Variants in PGM2L1 observed in about 807,000 individuals in gnomAD.
The protein encoded by PGM2L1 is glucose 1,6-bisphosphate synthase.
In PGM2L1, 35 loss-of-function variants were observed where a neutral mutation model predicts 73.4. The observed-to-expected ratio is 0.48, with a 90% CI of 0.36 to 0.63. The LOEUF (loss-of-function observed/expected upper bound fraction) is 0.63. Among genes scored for constraint, PGM2L1 ranks in the 30% least tolerant of loss-of-function variants. The pLI, the probability that PGM2L1 is intolerant of heterozygous loss-of-function variation, is 0.00. For missense variants in PGM2L1, 570 were observed against 742.0 expected (o/e 0.77, Z 2.69); for synonymous variants, 225 against 253.8 (o/e 0.89, Z 1.08).
In PGM2L1 at chr11:74,355,161, G is replaced by A. The variant is rs563955342; in HGVS notation, c.556-3585C>T. On this transcript the variant is annotated intron_variant, in intron 5 of 13. Coordinates refer to ENST00000298198, the MANE Select transcript of PGM2L1 (RefSeq NM_173582.6). ...CAGCCATGGTGGTGGTGGATATGGT[G>A]GCAGTGGGGATGGCTATAACAGATT... is the stretch of plus-strand genomic sequence containing the variant. 60 of 1,393,526 alleles carry A rather than the reference G, an allele frequency of 4.3e-5. No individual in the cohort carries two copies. The South Asian group carries it at 6.9e-4, about 16-fold the overall frequency. The allele number at this position is 1,393,526 out of a possible 1,614,324, so 86.3% of individuals were successfully genotyped here. A position where few individuals can be genotyped will look rare whatever the true frequency, so the allele number is the denominator to read the frequency against.
chr11:74,364,391 A>AG (rs564710430), intron 5 of PGM2L1, among the ~76,000 whole-genome samples: 21 of 152,340 alleles, frequency 1.4e-4, no homozygotes, highest in African/African-American at 3.8e-4. Flanking sequence ...AAAGAAATAA[A>AG]GGGTATTCAG....
rs76233797 is a variant in PGM2L1, at chr11:74,340,071, A to G, written c.1633-1470T>C. 9.7e-3 allele frequency among the ~76,000 whole-genome samples: 1,472 copies of G among 152,278 alleles called. 26 individuals are homozygous for G. The highest frequency in any genetic ancestry group is 0.032 in the African/African-American group (1,311 of 41,538). On this transcript the variant is annotated intron_variant, in intron 12 of 13. Coordinates refer to ENST00000298198, the MANE Select transcript of PGM2L1 (RefSeq NM_173582.6). ...TTTGTCATTGCTATATTCCTAGTGT[A>G]CCTGTGCCTGCAGCACAGAAGGACT...
chr11:74,383,818 T>G (rs1862982265), intron 1 of PGM2L1, among the ~76,000 whole-genome samples: 1 of 96,012 alleles, frequency 1.0e-5, no homozygotes, highest in Admixed American at 1.1e-4. Flanking sequence ...TGGAGATATA[T>G]AAATAAATAT....
intron 12 of PGM2L1, among the ~76,000 whole-genome samples, chr11:74,340,442 A>G (rs1862166175): frequency 6.6e-6 from 1 of 152,232 alleles, no homozygotes; most frequent in Non-Finnish European, 1.5e-5. Context: ...CAGGATATCA[A>G]CACCAGGAAC....
chr11:74,397,944 T>A (rs1863204314), intron 1 of PGM2L1, 107 bp downstream of exon 1: 4 of 1,379,854 alleles, frequency 2.9e-6, no homozygotes, highest in Non-Finnish European at 3.8e-6. Flanking sequence ...CCCCGCTCGG[T>A]GTCCCGAGCC....
chr11:74,334,542 A>G lies in PGM2L1; in HGVS notation c.*2110T>C, dbSNP rs924682025. 15 of 152,242 alleles carry G rather than the reference A, an allele frequency of 9.9e-5. No individual in the cohort carries two copies. Among genetic ancestry groups the G allele is most frequent in the African/African-American group, 3.4e-4 (14 of 41,472 alleles). The allele number at this position is 152,242 out of a possible 1,614,324, so 9.4% of individuals were successfully genotyped here. On this transcript the variant is annotated 3_prime_UTR_variant, in exon 14 of 14. Coordinates refer to ENST00000298198, the MANE Select transcript of PGM2L1 (RefSeq NM_173582.6). The stretch of plus-strand genomic sequence containing the variant: ...GTGCTCTACATTTAGCTAGCTGTCT[A>G]TTATCTACAGTCATACAGTCATATA...
chr11:74,394,968 T>C (rs1329596437), intron 1 of PGM2L1, among the ~76,000 whole-genome samples: 1 of 152,162 alleles, frequency 6.6e-6, no homozygotes, highest in African/African-American at 2.4e-5. Flanking sequence ...AGACTACATA[T>C]GCCATCAATA....
intron 2 of PGM2L1, among the ~76,000 whole-genome samples, chr11:74,373,438 G>A (rs1275614012): frequency 1.3e-5 from 2 of 152,152 alleles, no homozygotes; most frequent in South Asian, 2.1e-4. Context: ...CTGTTTGGGA[G>A]TATCAATTAG....
At chr11:74,338,722 A>G in intron 12 of PGM2L1, 121 bp from the exon 13 acceptor site, 1 of 1,249,244 alleles carries the variant, frequency 8.0e-7, no homozygotes, top group Non-Finnish European at 1.1e-6. Flanking sequence ...AAATTTACAG[A>G]AATAGAAATT....
Position 74,336,349 on chromosome 11 carries a change from A to G in PGM2L1, c.*303T>C. 1 of 182,416 alleles carries G rather than the reference A, an allele frequency of 5.5e-6. No homozygotes were observed. Among genetic ancestry groups the G allele is most frequent in the Admixed American group, 6.0e-5 (1 of 16,782 alleles). 11.3% of individuals were successfully genotyped at this position (182,416 alleles called of 1,614,324 possible). On this transcript the variant is annotated 3_prime_UTR_variant, in exon 14 of 14. Transcript: ENST00000298198. ...TAGGCTTAATCACACTATAATAAGA[A>G]AACTCACTTTTGAATTGTGATGTTT...
At chr11:74,374,717 T>A in intron 1 of PGM2L1, 135 bp from the exon 2 acceptor site, 1 of 707,942 alleles carries the variant, frequency 1.4e-6, no homozygotes, top group Non-Finnish European at 2.2e-6. Context: ...CTTCTTTGTA[T>A]GTATAATAAA....
chr11:74,338,746 C>T, intron 12 of PGM2L1, 145 bp from the exon 13 acceptor site: 1 of 1,022,028 alleles, frequency 9.8e-7, no homozygotes, highest in Non-Finnish European at 1.4e-6. Context: ...ATGGCAGTTG[C>T]CAAGGCAGGG....
chr11:74,374,052 CAAA>C (rs60395088), intron 2 of PGM2L1, among the ~76,000 whole-genome samples: 6 of 85,650 alleles, frequency 7.0e-5, no homozygotes, highest in African/African-American at 1.8e-4. Flanking sequence ...TTTATAAAGC[CAAA>C]AAAAAAAAAA....
intron 1 of PGM2L1, among the ~76,000 whole-genome samples, chr11:74,392,537 A>G (rs975378637): frequency 6.6e-6 from 1 of 151,842 alleles, no homozygotes; most frequent in Admixed American, 6.6e-5. Flanking sequence ...ATAAAAGCCA[A>G]TAAAATAGTT....
At chr11:74,368,937 AAT>A (rs1862705555) in intron 4 of PGM2L1, among the ~76,000 whole-genome samples, 1 of 150,986 alleles carries the variant, frequency 6.6e-6, no homozygotes, top group Middle Eastern at 3.2e-3. Context: ...CTCACTTTTA[AAT>A]ACCTACAGGC....
rs148323287 is a variant in PGM2L1 at position 74,362,704 on chromosome 11, C to A, written c.555+5788G>T. Among the ~76,000 whole-genome samples, 202 of 152,116 alleles carry A rather than the reference C, an allele frequency of 1.3e-3. 1 individual carries two copies. Among genetic ancestry groups the A allele is most frequent in the African/African-American group, 4.6e-3 (189 of 41,486 alleles). On this transcript the variant is annotated intron_variant, in intron 5 of 13. Transcript: ENST00000298198. ...AAATAAAGGGATGGAGGAAGATCTACCAAGCAAATGGAAAACAAAAAAAGG... is the reference window on the plus strand; with the variant it reads ...AAATAAAGGGATGGAGGAAGATCTAACAAGCAAATGGAAAACAAAAAAAGG...
chr11:74,379,506 A>C (rs1862906840), intron 1 of PGM2L1, among the ~76,000 whole-genome samples: 1 of 152,190 alleles, frequency 6.6e-6, no homozygotes, highest in African/African-American at 2.4e-5. Flanking sequence ...TAATTCTAAC[A>C]CAATTTGAAT....
intron 1 of PGM2L1, among the ~76,000 whole-genome samples, chr11:74,384,281 A>C (rs1394892195): frequency 6.6e-6 from 1 of 151,990 alleles, no homozygotes; most frequent in East Asian, 1.9e-4. Context: ...GTATTTCTTC[A>C]GCTTCAGAAT....
chr11:74,385,543 C>T (rs926279558), intron 1 of PGM2L1, among the ~76,000 whole-genome samples: 11 of 152,016 alleles, frequency 7.2e-5, no homozygotes, highest in South Asian at 2.1e-4. Flanking sequence ...TGTTCTCATA[C>T]GGAAGTTGCC....
Sources: gnomAD v4.1 joint callset for allele counts (sites outside exome capture counted in the v4.1 genomes callset) on GRCh38, gnomAD v4.1.1 for gene constraint, MANE v1.5 for transcripts, NCBI Gene and HGNC (gene_info 2026-07-23, HGNC 2026-07-21) for gene names.